The following DOCK3 variants were observed in gnomAD, a reference collection of about 807,000 sequenced individuals.
DOCK3 encodes dedicator of cytokinesis 3, also known as dedicator of cytokinesis protein 3.
DOCK3 carries 60 observed loss-of-function variants against 265.6 expected under a neutral mutation model. The observed-to-expected ratio is 0.23, with a 90% CI of 0.18 to 0.28. The LOEUF (loss-of-function observed/expected upper bound fraction) is 0.28. DOCK3 is among the 10% of genes least tolerant of loss of function. DOCK3 has a pLI of 1.00. For synonymous variants in DOCK3, 881 were observed against 938.0 expected (o/e 0.94, Z 1.11); for missense variants, 1,981 against 2,594.3 (o/e 0.76, Z 5.14).
At chr3:51,212,952 T>C (rs1180078691) in intron 13 of DOCK3, among the ~76,000 whole-genome samples, 3 of 151,990 alleles carry the variant, frequency 2.0e-5, no homozygotes, top group Non-Finnish European at 4.4e-5. Context: ...AGAACCGTAT[T>C]TCCTCCCTTG....
At chr3:50,900,631 G>C in intron 4 of DOCK3, 1 of 436,408 alleles carries the variant, frequency 2.3e-6, no homozygotes, top group African/African-American at 2.1e-5. Flanking sequence ...TTTGGTCTTT[G>C]ATGTTGGTGA....
chr3:51,304,695 C>A (rs1311446422), intron 27 of DOCK3, among the ~76,000 whole-genome samples: 1 of 152,216 alleles, frequency 6.6e-6, no homozygotes, highest in African/African-American at 2.4e-5. Flanking sequence ...TCACTGCCTC[C>A]CTTGGCTGGT....
In DOCK3 at chr3:51,098,335, G is replaced by C. The variant is rs569384067; in HGVS notation, c.746+7951G>C. On this transcript the variant is annotated intron_variant, in intron 9 of 52. Coordinates refer to ENST00000266037, the MANE Select transcript of DOCK3 (RefSeq NM_004947.5). ...CTCCCAAAATGTTGGGATTACAGGT[G>C]TGAGCCACTGTGCCTGGCCCAAAGT... Among the ~76,000 whole-genome samples, 7 of 152,332 alleles carry C rather than the reference G, an allele frequency of 4.6e-5. 2 individuals are homozygous for C. The highest frequency in any genetic ancestry group is 1.7e-4 in the African/African-American group (7 of 41,576).
intron 4 of DOCK3, among the ~76,000 whole-genome samples, chr3:50,932,389 C>CTT (rs1000949916): frequency 6.7e-6 from 1 of 149,282 alleles, no homozygotes; most frequent in Admixed American, 6.7e-5. Context: ...TTTTCCTGTA[C>CTT]TTTTTTTTTT....
intron 1 of DOCK3, among the ~76,000 whole-genome samples, chr3:50,753,787 A>T (rs992650570): frequency 3.3e-5 from 5 of 152,156 alleles, no homozygotes; most frequent in Non-Finnish European, 7.3e-5. Flanking sequence ...AGTACTTCTG[A>T]TGATGGTTAG....
chr3:51,121,447 C>A (rs2084014312), intron 9 of DOCK3, among the ~76,000 whole-genome samples: 1 of 152,094 alleles, frequency 6.6e-6, no homozygotes, highest in African/African-American at 2.4e-5. Context: ...AGCCACCTTG[C>A]CCAGGAATCC....
At chr3:50,956,175 A>G (rs750727676) in intron 5 of DOCK3, among the ~76,000 whole-genome samples, 4 of 152,132 alleles carry the variant, frequency 2.6e-5, no homozygotes, top group Non-Finnish European at 4.4e-5. Flanking sequence ...TATCAAGTCT[A>G]TCTGAACTTC....
chr3:50,764,069 G>T (rs1487749549), intron 1 of DOCK3, among the ~76,000 whole-genome samples: 1 of 152,066 alleles, frequency 6.6e-6, no homozygotes, highest in African/African-American at 2.4e-5. Flanking sequence ...ATTTACTTTC[G>T]TTGGTTTTAT....
At chr3:50,732,602 T>C (rs897028292) in intron 1 of DOCK3, among the ~76,000 whole-genome samples, 1 of 152,120 alleles carries the variant, frequency 6.6e-6, no homozygotes, top group African/African-American at 2.4e-5. Flanking sequence ...GTAGAGACAG[T>C]GTCTTCCTGT....
intron 2 of DOCK3, among the ~76,000 whole-genome samples, chr3:50,815,501 CT>C (rs1354912011): frequency 6.6e-6 from 1 of 152,180 alleles, no homozygotes; most frequent in Non-Finnish European, 1.5e-5. Context: ...CTCTTTTCAT[CT>C]TGAACCCTCT....
At chr3:50,829,157 C>T (rs1403152656) in intron 2 of DOCK3, among the ~76,000 whole-genome samples, 2 of 152,018 alleles carry the variant, frequency 1.3e-5, no homozygotes, top group East Asian at 3.9e-4. Flanking sequence ...GTTTCAGTTT[C>T]TGCTTATATG....
chr3:51,327,218 A>C (rs1302225402), intron 32 of DOCK3, among the ~76,000 whole-genome samples: 1 of 152,058 alleles, frequency 6.6e-6, no homozygotes, highest in Non-Finnish European at 1.5e-5. Context: ...ATATCTCAGA[A>C]CCCACCATGG....
chr3:51,126,256 G>A (rs1215381583), intron 9 of DOCK3, among the ~76,000 whole-genome samples: 4 of 152,120 alleles, frequency 2.6e-5, no homozygotes, highest in South Asian at 2.1e-4. Flanking sequence ...TTGGGAAGTC[G>A]CAAAGGGCCT....
chr3:51,180,599 T>C (rs2087233383), intron 12 of DOCK3, among the ~76,000 whole-genome samples: 1 of 152,198 alleles, frequency 6.6e-6, no homozygotes, highest in South Asian at 2.1e-4. Context: ...ATAAGGATAT[T>C]TGTCATTGGA....
rs575191468 is a variant in DOCK3 at position 50,749,074 on chromosome 3, T to A, written c.38-29601T>A. Among the ~76,000 whole-genome samples the A allele has an allele frequency of 3.3e-5, 5 of 152,320 alleles. No individual in the cohort carries two copies. The South Asian group carries it at 1.0e-3, about 32-fold the overall frequency. ...CCAAAATTAAGATTACATGGGATAA[T>A]GTGTGTGATATGCCTAGGAAAGTGT... On this transcript the variant is annotated intron_variant, in intron 1 of 52. Coordinates refer to ENST00000266037, the MANE Select transcript of DOCK3 (RefSeq NM_004947.5).
chr3:50,923,392 T>C (rs1261320026), intron 4 of DOCK3, among the ~76,000 whole-genome samples: 2 of 152,200 alleles, frequency 1.3e-5, no homozygotes, highest in Non-Finnish European at 2.9e-5. Context: ...CATGCAAGAA[T>C]TGAATATTAT....
intron 5 of DOCK3, among the ~76,000 whole-genome samples, chr3:50,939,003 G>C (rs1257079305): frequency 1.3e-5 from 2 of 151,206 alleles, no homozygotes; most frequent in African/African-American, 4.9e-5. Context: ...AGCAAAAACT[G>C]GTTTATAAAA....
intron 3 of DOCK3, among the ~76,000 whole-genome samples, chr3:50,881,810 C>A (rs1404328564): frequency 6.6e-6 from 1 of 152,180 alleles, no homozygotes. Flanking sequence ...ATTGCCCAGA[C>A]AATCCTCAGC....
intron 22 of DOCK3, among the ~76,000 whole-genome samples, chr3:51,256,908 C>G (rs1377254335): frequency 2.6e-5 from 4 of 152,168 alleles, no homozygotes; most frequent in Non-Finnish European, 2.9e-5. Context: ...AGAGCTTGGG[C>G]TTTTAAGGAA....
Sources: allele counts gnomAD v4.1 joint callset (sites outside exome capture counted in the v4.1 genomes callset), GRCh38; gene constraint gnomAD v4.1.1; transcripts MANE v1.5; gene names NCBI Gene and HGNC (gene_info 2026-07-23, HGNC 2026-07-21).